Variants in EEIG2 observed in about 807,000 individuals in gnomAD.
The protein encoded by EEIG2 is EEIG family member 2.
the EEIG2 span, among the ~76,000 whole-genome samples, chr1:108,562,760 AG>A: frequency 1.3e-5 from 2 of 152,194 alleles, no homozygotes; most frequent in African/African-American, 4.8e-5. Context: ...TTGTCCAAGA[AG>A]GTCCATTTGC....
At chr1:108,565,320 C>T in the EEIG2 span, among the ~76,000 whole-genome samples, 8 of 152,118 alleles carry the variant, frequency 5.3e-5, no homozygotes, top group Admixed American at 2.6e-4. Flanking sequence ...TAGCCTACTA[C>T]GTGCTTAGAC....
chr1:108,600,089 C>T, the EEIG2 span, among the ~76,000 whole-genome samples: 4 of 152,204 alleles, frequency 2.6e-5, no homozygotes, highest in African/African-American at 9.7e-5. Context: ...GGTAGCTGTT[C>T]TTGCTGTTAT....
chr1:108,621,796 A>T, the EEIG2 span, among the ~76,000 whole-genome samples: 36 of 151,798 alleles, frequency 2.4e-4, 2 homozygotes, highest in African/African-American at 7.2e-4. Flanking sequence ...TCTTCTGTGT[A>T]TTAGTTTTTC....
At chr1:108,619,081 C>T in the EEIG2 span, among the ~76,000 whole-genome samples, 1 of 152,116 alleles carries the variant, frequency 6.6e-6, no homozygotes, top group Non-Finnish European at 1.5e-5. Context: ...TTGATCGTTC[C>T]TTCTCATGAA....
the EEIG2 span, among the ~76,000 whole-genome samples, chr1:108,577,947 C>T: frequency 2.0e-5 from 3 of 151,430 alleles, no homozygotes; most frequent in South Asian, 4.1e-4. Context: ...AATGTTCTTC[C>T]GTTTGTTTGT....
At chr1:108,633,076 T>C in the EEIG2 span, among the ~76,000 whole-genome samples, 1 of 151,858 alleles carries the variant, frequency 6.6e-6, no homozygotes, top group Non-Finnish European at 1.5e-5. Context: ...TGAGCCGTTG[T>C]GCCAAGCCTT....
the EEIG2 span, among the ~76,000 whole-genome samples, chr1:108,622,125 C>T: frequency 7.2e-5 from 11 of 152,032 alleles, no homozygotes; most frequent in Non-Finnish European, 1.5e-4. Flanking sequence ...CCATTGCACT[C>T]CAGCCTGGGA....
the EEIG2 span, among the ~76,000 whole-genome samples, chr1:108,593,919 C>T: frequency 9.2e-5 from 14 of 152,152 alleles, no homozygotes; most frequent in Non-Finnish European, 1.6e-4. Flanking sequence ...AATCCTCCCA[C>T]CTCAGCTGCC....
chr1:108,609,709 G>A, the EEIG2 span, among the ~76,000 whole-genome samples: 7 of 152,270 alleles, frequency 4.6e-5, no homozygotes, highest in East Asian at 1.9e-4. Context: ...ATAGGAGACC[G>A]CAGAGAAAAC....
the EEIG2 span, among the ~76,000 whole-genome samples, chr1:108,582,123 A>G: frequency 6.6e-6 from 1 of 152,208 alleles, no homozygotes; most frequent in Non-Finnish European, 1.5e-5. Context: ...TTTTAGCAAT[A>G]AAGTATTTTT....
the EEIG2 span, among the ~76,000 whole-genome samples, chr1:108,621,387 A>T: frequency 6.6e-6 from 1 of 152,220 alleles, no homozygotes; most frequent in Non-Finnish European, 1.5e-5. Flanking sequence ...CTTTACTATC[A>T]GTCCCCATAG....
At chr1:108,604,272 A>T in the EEIG2 span, among the ~76,000 whole-genome samples, 1 of 152,138 alleles carries the variant, frequency 6.6e-6, no homozygotes, top group African/African-American at 2.4e-5. Context: ...GTATTGGAGG[A>T]TTTTAATAAG....
the EEIG2 span, among the ~76,000 whole-genome samples, chr1:108,561,431 AG>A: frequency 6.6e-6 from 1 of 152,230 alleles, no homozygotes; most frequent in Admixed American, 6.5e-5. Flanking sequence ...GAGATCAAGA[AG>A]GGTTAAAAGT....
chr1:108,567,715 G>C, the EEIG2 span, among the ~76,000 whole-genome samples: 1,461 of 152,286 alleles, frequency 9.6e-3, 23 homozygotes, highest in African/African-American at 0.033. Context: ...AAAATGCAGC[G>C]AGGCATTTTT....
chr1:108,626,893 C>T, the EEIG2 span: 1 of 152,174 alleles, frequency 6.6e-6, no homozygotes, highest in Admixed American at 6.6e-5. Flanking sequence ...TGGGGTTAAC[C>T]TCCTCTGTTA....
chr1:108,597,641 G>A, the EEIG2 span, among the ~76,000 whole-genome samples: 2 of 152,206 alleles, frequency 1.3e-5, no homozygotes, highest in Middle Eastern at 3.4e-3. Flanking sequence ...TCCTCAGTAT[G>A]CTAAACTAGT....
the EEIG2 span, among the ~76,000 whole-genome samples, chr1:108,602,344 C>G: frequency 6.6e-6 from 1 of 152,126 alleles, no homozygotes; most frequent in Non-Finnish European, 1.5e-5. Flanking sequence ...GTCAGCAGGG[C>G]CATGCTCCCT....
chr1:108,578,731 A>G, the EEIG2 span, among the ~76,000 whole-genome samples: 3 of 151,424 alleles, frequency 2.0e-5, no homozygotes, highest in Admixed American at 2.0e-4. Context: ...TCAGACTAAC[A>G]GCGGATCTCT....
the EEIG2 span, among the ~76,000 whole-genome samples, chr1:108,613,870 C>T: frequency 6.6e-6 from 1 of 152,206 alleles, no homozygotes; most frequent in South Asian, 2.1e-4. Context: ...TAAGGCTTCT[C>T]GGTTCCTTAA....
Sources: gnomAD v4.1 joint callset for allele counts (sites outside exome capture counted in the v4.1 genomes callset) on GRCh38, gnomAD v4.1.1 for gene constraint, MANE v1.5 for transcripts, NCBI Gene and HGNC (gene_info 2026-07-23, HGNC 2026-07-21) for gene names.